The following CCDC178 variants were observed in gnomAD, a reference collection of about 807,000 sequenced individuals.
The protein encoded by CCDC178 is coiled-coil domain-containing protein 178.
Under a neutral mutation model 117.4 loss-of-function variants are expected in CCDC178, and 126 were observed. That is an observed-to-expected ratio of 1.07 (90% CI 0.93 to 1.24). CCDC178 has a LOEUF of 1.24. CCDC178 is among the 50% of genes most tolerant of loss of function. The pLI, the probability that CCDC178 is intolerant of heterozygous loss-of-function variation, is 0.00. For missense variants in CCDC178, 1,030 were observed against 986.9 expected, an observed-to-expected ratio of 1.04 and a Z score of -0.59; for synonymous variants, 283 against 313.4, an observed-to-expected ratio of 0.90 and a Z score of 1.02.
intron 20 of CCDC178, among the ~76,000 whole-genome samples, chr18:33,197,700 T>A (rs2058947657): frequency 6.6e-6 from 1 of 151,818 alleles, no homozygotes; most frequent in African/African-American, 2.4e-5. Flanking sequence ...AAAAGAAGGA[T>A]CCTTTATCTT....
At chr18:33,203,082 T>TA (rs1336228561) in intron 20 of CCDC178, among the ~76,000 whole-genome samples, 3 of 152,220 alleles carry the variant, frequency 2.0e-5, no homozygotes, top group Non-Finnish European at 4.4e-5. Context: ...TAACTCTGGA[T>TA]ATTAGCATAA....
intron 8 of CCDC178, among the ~76,000 whole-genome samples, chr18:33,348,646 A>G (rs769295905): frequency 2.6e-5 from 4 of 151,910 alleles, no homozygotes; most frequent in Non-Finnish European, 4.4e-5. Context: ...TAGCTTCTTG[A>G]GAAGTGGATA....
chr18:33,145,912 T>C (rs937811615), intron 20 of CCDC178, among the ~76,000 whole-genome samples: 14 of 152,150 alleles, frequency 9.2e-5, no homozygotes, highest in African/African-American at 3.4e-4. Flanking sequence ...TCCTGGAGAT[T>C]TGGGAAATGT....
chr18:33,404,389 A>T (rs1160628801), intron 3 of CCDC178, among the ~76,000 whole-genome samples: 1 of 152,026 alleles, frequency 6.6e-6, no homozygotes, highest in Admixed American at 6.6e-5. Context: ...AAAAAAAAAT[A>T]AGTGAAATGT....
intron 11 of CCDC178, among the ~76,000 whole-genome samples, chr18:33,294,663 G>A (rs2062083578): frequency 6.6e-6 from 1 of 152,150 alleles, no homozygotes; most frequent in Non-Finnish European, 1.5e-5. Context: ...AGACTTACCT[G>A]TCAGAGTCCT....
At chr18:33,185,625 C>T (rs897500056) in intron 20 of CCDC178, among the ~76,000 whole-genome samples, 3 of 151,828 alleles carry the variant, frequency 2.0e-5, no homozygotes, top group Admixed American at 6.6e-5. Flanking sequence ...ACAAGGAGAT[C>T]GCAGTAAACA....
chr18:33,434,346 C>T (rs932878110), intron 2 of CCDC178, among the ~76,000 whole-genome samples: 2 of 152,120 alleles, frequency 1.3e-5, no homozygotes, highest in African/African-American at 4.8e-5. Flanking sequence ...CAGTTTCTTA[C>T]AGCAGTTTTC....
At chr18:33,339,160 G>T (rs1344344462) in intron 9 of CCDC178, among the ~76,000 whole-genome samples, 1 of 151,814 alleles carries the variant, frequency 6.6e-6, no homozygotes, top group Non-Finnish European at 1.5e-5. Context: ...ATGGCATCAA[G>T]TAAATAATCA....
chr18:33,401,577 T>G (rs535380406), intron 3 of CCDC178, among the ~76,000 whole-genome samples: 2 of 152,316 alleles, frequency 1.3e-5, no homozygotes, highest in Non-Finnish European at 2.9e-5. Flanking sequence ...TTTTCTAATG[T>G]AAATTCCTAA....
At chr18:33,376,300 A>G (rs2063365216) in intron 5 of CCDC178, among the ~76,000 whole-genome samples, 1 of 152,104 alleles carries the variant, frequency 6.6e-6, no homozygotes, top group African/African-American at 2.4e-5. Flanking sequence ...CGTGAGCAGG[A>G]GGGGAGAGCC....
At chr18:33,119,538 G>A (rs1173840355) in intron 20 of CCDC178, among the ~76,000 whole-genome samples, 1 of 152,094 alleles carries the variant, frequency 6.6e-6, no homozygotes, top group Non-Finnish European at 1.5e-5. Flanking sequence ...GGAAACAACA[G>A]GTGCTGGAGA....
chr18:33,037,454 C>G (rs2056465567), intron 21 of CCDC178, among the ~76,000 whole-genome samples: 1 of 151,898 alleles, frequency 6.6e-6, no homozygotes. Flanking sequence ...CTAGCCTTAA[C>G]TCCTTGTTTA....
chr18:33,361,404 G>A (rs2063126200), intron 6 of CCDC178, among the ~76,000 whole-genome samples: 2 of 151,426 alleles, frequency 1.3e-5, no homozygotes, highest in Admixed American at 6.6e-5. Context: ...AGAACATAGA[G>A]GAAAAGCTCC....
At position 33,264,623 on chromosome 18, in the gene CCDC178, G is replaced by C. The variant is rs74625560; in HGVS notation, c.1409+2293C>G. On this transcript the variant is annotated intron_variant, in intron 14 of 22. Transcript: ENST00000383096. Reference sequence around the variant, plus strand: ...CCATGGAAATCCTTCCCCATAAATAGAGCTGCATTCCCACTGCTTGTGATA... The same window carrying C: ...CCATGGAAATCCTTCCCCATAAATACAGCTGCATTCCCACTGCTTGTGATA... 5.5e-3 allele frequency among the ~76,000 whole-genome samples: 839 copies of C among 152,142 alleles called. 7 individuals are homozygous for C. Among genetic ancestry groups the C allele is most frequent in the Middle Eastern group, 0.02 (6 of 294 alleles).
intron 20 of CCDC178, among the ~76,000 whole-genome samples, chr18:33,111,469 T>A (rs1176945409): frequency 1.3e-5 from 2 of 151,704 alleles, no homozygotes; most frequent in African/African-American, 4.8e-5. Flanking sequence ...ATTTGATCCT[T>A]TTCTTCATTT....
intron 22 of CCDC178, 74 bp downstream of exon 22, chr18:32,974,473 T>C (rs1468280528): frequency 1.1e-5 from 15 of 1,386,854 alleles, no homozygotes; most frequent in Non-Finnish European, 1.4e-5. Flanking sequence ...GTTTTAATGC[T>C]TCATCACACT....
chr18:33,278,804 C>T (rs556841144), intron 12 of CCDC178, among the ~76,000 whole-genome samples: 143 of 152,098 alleles, frequency 9.4e-4, no homozygotes, highest in African/African-American at 3.2e-3. Flanking sequence ...GTTCAATATA[C>T]GCAAATCAAT....
intron 21 of CCDC178, among the ~76,000 whole-genome samples, chr18:33,067,643 G>A (rs1444896579): frequency 2.0e-5 from 3 of 152,070 alleles, no homozygotes; most frequent in Non-Finnish European, 4.4e-5. Context: ...TCGGGAGTTC[G>A]AGACCAGCCT....
At chr18:33,255,683 T>C (rs1347188828) in intron 14 of CCDC178, among the ~76,000 whole-genome samples, 2 of 151,880 alleles carry the variant, frequency 1.3e-5, no homozygotes, top group Non-Finnish European at 2.9e-5. Flanking sequence ...CTAGAGAATG[T>C]CAAGTGAGAT....
Sources: gnomAD v4.1 joint callset for allele counts (sites outside exome capture counted in the v4.1 genomes callset) on GRCh38, gnomAD v4.1.1 for gene constraint, MANE v1.5 for transcripts, NCBI Gene and HGNC (gene_info 2026-07-23, HGNC 2026-07-21) for gene names.